GTPBP1: variants seen among roughly 807,000 people sequenced by gnomAD.
GTPBP1 encodes the protein GTP-binding protein 1.
GTPBP1 carries 23 observed loss-of-function variants against 62.0 expected under a neutral mutation model. That is an observed-to-expected ratio of 0.37 (90% CI 0.27 to 0.53). GTPBP1 has a LOEUF of 0.53. Among genes scored for constraint, GTPBP1 ranks in the 20% least tolerant of loss-of-function variants. GTPBP1 has a pLI of 0.89. For missense variants in GTPBP1, 640 were observed against 917.3 expected (o/e 0.70, Z 3.90); for synonymous variants, 344 against 364.4 (o/e 0.94, Z 0.64).
At chr22:38,740,864 G>T, downstream of GTPBP1, 1 of 906,488 alleles carries the variant, frequency 1.1e-6, no homozygotes, top group African/African-American at 1.6e-5. This position sits in a 1 kb window ranked among gnomAD's most constrained non-coding sequence, Gnocchi z 4.8. Flanking sequence ...GGGGTCCTGA[G>T]CTGGGTTTCA....
downstream of GTPBP1, chr22:38,739,806 C>G (rs757345858): frequency 6.2e-7 from 1 of 1,613,688 alleles, no homozygotes; most frequent in Non-Finnish European, 8.5e-7. This position sits in a 1 kb window ranked among gnomAD's most constrained non-coding sequence, Gnocchi z 6.7. Context: ...TGCCCTGCAT[C>G]TCTGCCACAT....
downstream of GTPBP1, among the ~76,000 whole-genome samples, chr22:38,741,243 G>GTA (rs112509404): frequency 0.048 from 7,305 of 152,200 alleles, 605 homozygotes; most frequent in African/African-American, 0.17. Flanking sequence ...ACACACTGAG[G>GTA]TATCTGTTCA....
chr22:38,738,614 G>A (rs779490476), downstream of GTPBP1: 8 of 1,613,728 alleles, frequency 5.0e-6, no homozygotes, highest in Admixed American at 1.3e-4. This position sits in a 1 kb window ranked among gnomAD's most constrained non-coding sequence, Gnocchi z 6.6. Flanking sequence ...TGGGGGCACT[G>A]GAGATAGTGC....
Position 38,730,902 on chromosome 22 carries a change from C to G in GTPBP1, c.*198C>G. ...CGAAGGTAGCCAGACTTCCGGAGGA[C>G]TGACCATCTCTCACTGTCCTCCCCA... On this transcript the variant is annotated 3_prime_UTR_variant, in exon 12 of 12. Transcript: ENST00000216044. The surrounding 1 kb of genome is among the most constrained non-coding windows in gnomAD (Gnocchi z 5.6). 1.8e-6 allele frequency: 1 copy of G among 555,174 alleles called. No individual in the cohort carries two copies. The highest frequency in any genetic ancestry group is 3.2e-5 in the East Asian group (1 of 31,326). The allele number at this position is 555,174 out of a possible 1,614,324, so 34.4% of individuals were successfully genotyped here. A position where few individuals can be genotyped will look rare whatever the true frequency, so the allele number is the denominator to read the frequency against.
At chr22:38,728,948 C>G (rs985304152) in intron 10 of GTPBP1, 1 of 153,038 alleles carries the variant, frequency 6.5e-6, no homozygotes, top group East Asian at 1.9e-4. Context: ...AGGAGACATT[C>G]ACTTGGTCTC....
Position 38,716,839 on chromosome 22 carries a change from G to A in GTPBP1, c.673G>A (p.Val225Met), listed in dbSNP as rs1206106460. ...ILGFDSEGNV[V>M]NKPDSHGGSL... is the part of the protein sequence containing the mutation. ...GGGCTTTGACAGTGAAGGCAATGTA[G>A]TGAACAAGCCTGACAGCCACGGCGG... The change falls in exon 4 of 12, where the codon GTG becomes ATG. Residue 225 changes from valine to methionine, a missense_variant. Around this residue, in one of 4 missense-constraint regions of GTPBP1, gnomAD observed 88 missense variants for 217.0 expected, o/e 0.41. Transcript: ENST00000216044. This position sits in a 1 kb window ranked among gnomAD's most constrained non-coding sequence, Gnocchi z 5.2. 1 of 1,614,180 alleles carries A rather than the reference G, an allele frequency of 6.2e-7. No individual in the cohort carries two copies. Among genetic ancestry groups the A allele is most frequent in the Non-Finnish European group, 8.5e-7 (1 of 1,180,008 alleles).
rs377717406 is a variant in GTPBP1 at position 38,721,841 on chromosome 22, A to C, written c.934A>C (p.Met312Leu). 1 of 1,607,060 alleles carries C rather than the reference A, an allele frequency of 6.2e-7. No individual in the cohort carries two copies. The highest frequency in any genetic ancestry group is 8.5e-7 in the Non-Finnish European group (1 of 1,174,778). The change falls in exon 5 of 12, where the codon ATG becomes CTG. Residue 312 changes from methionine to leucine, a missense_variant. Physicochemically the swap from Met to Leu is conservative, Grantham distance 15. This residue lies in a region of GTPBP1 where 88 missense variants were observed against 217.0 expected (regional missense o/e 0.41). Transcript: ENST00000216044. ...PVFVVVTKID[M>L]CPANILQETL... is the part of the protein sequence containing the mutation. The stretch of plus-strand genomic sequence containing the variant: ...CTTTGTGGTAGTCACCAAGATTGAC[A>C]TGTGTCCTGCCAACATCCTGCAAGG...
chr22:38,727,477 C>T lies in GTPBP1; in HGVS notation c.1537+129C>T. ...TAGGCCTCCTTCCTGTTTAGTGATGCCGTTCCTTCTGTTCTACCCATGAGC... is the reference window on the plus strand; with the variant it reads ...TAGGCCTCCTTCCTGTTTAGTGATGTCGTTCCTTCTGTTCTACCCATGAGC... On this transcript the variant is annotated intron_variant, in intron 9 of 11. Transcript: ENST00000216044. The surrounding 1 kb of genome is among the most constrained non-coding windows in gnomAD (Gnocchi z 6.5). 1.2e-6 allele frequency: 1 copy of T among 864,888 alleles called. No homozygotes were observed. Among genetic ancestry groups the T allele is most frequent in the Non-Finnish European group, 1.7e-6 (1 of 578,006 alleles). 53.6% of individuals were successfully genotyped at this position (864,888 alleles called of 1,614,324 possible).
At chr22:38,735,396 A>C, downstream of GTPBP1, 1 of 357,438 alleles carries the variant, frequency 2.8e-6, no homozygotes. Flanking sequence ...CATGCTCCCC[A>C]CTCTTCTTGC....
chr22:38,722,617 T>C, intron 5 of GTPBP1: 1 of 1,265,530 alleles, frequency 7.9e-7, no homozygotes, highest in South Asian at 1.5e-5. Flanking sequence ...TTTAGAGTAA[T>C]ATTTATGAGT....
chr22:38,707,519 C>T (rs980586491), intron 1 of GTPBP1, among the ~76,000 whole-genome samples: 1 of 152,120 alleles, frequency 6.6e-6, no homozygotes, highest in Non-Finnish European at 1.5e-5. Flanking sequence ...ATGGCCAGGA[C>T]GATGTAAAAG....
chr22:38,742,632 C>T, downstream of GTPBP1: 2 of 1,498,404 alleles, frequency 1.3e-6, no homozygotes, highest in South Asian at 2.5e-5. Context: ...CCCGACACAG[C>T]CAACACAGAA....
chr22:38,739,152 C>T (rs968055498), downstream of GTPBP1: 4 of 908,372 alleles, frequency 4.4e-6, no homozygotes, highest in Admixed American at 6.3e-5. The surrounding 1 kb of genome is among the most constrained non-coding windows in gnomAD (Gnocchi z 6.7). Flanking sequence ...CTCTCCCTGG[C>T]CCAGGATGGT....
chr22:38,725,842 G>A (rs1008601285), intron 6 of GTPBP1, 164 bp from the exon 7 acceptor site: 4 of 678,998 alleles, frequency 5.9e-6, no homozygotes, highest in Non-Finnish European at 1.0e-5. Context: ...TGCTAGGTCA[G>A]GGCAAAGAGG....
rs922219133 is a variant in GTPBP1 at position 38,726,955 on chromosome 22, G to A, written c.1402-258G>A. ...CTTGCCTGCCTTTGCTTCCTCATGC[G>A]TCCTTCATGGCCGAGCAGCTGAAGT... On this transcript the variant is annotated intron_variant, in intron 8 of 11. Coordinates refer to ENST00000216044, the MANE Select transcript of GTPBP1 (RefSeq NM_004286.5). The surrounding 1 kb of genome is among the most constrained non-coding windows in gnomAD (Gnocchi z 4.1). 1.3e-5 allele frequency among the ~76,000 whole-genome samples: 2 copies of A among 152,066 alleles called. No homozygotes were observed. Among genetic ancestry groups the A allele is most frequent in the African/African-American group, 4.8e-5 (2 of 41,406 alleles).
chr22:38,723,025 CAA>C, intron 5 of GTPBP1: 1 of 807,464 alleles, frequency 1.2e-6, no homozygotes, highest in Non-Finnish European at 2.2e-6. Flanking sequence ...TCAAATCTGA[CAA>C]GAGTGGGATG....
rs1279209336 is a variant in GTPBP1 at position 38,729,549 on chromosome 22, C to T, written c.1804C>T (p.Arg602Ter). The change falls in exon 11 of 12, where the codon CGA becomes TGA. Residue 602 changes from arginine (R) to a stop codon, truncating the protein, a stop_gained. Transcript: ENST00000216044. LOFTEE classifies it high-confidence loss of function. ...GACGAAAAAGGGCCCCCTGACGAAA[C>T]GAGACGAGGGGGGCCCGTCTGGTGG... The part of the protein sequence containing the change: ...QSTKKGPLTK[R>*]DEGGPSGGPA... 3 of 1,607,144 alleles carry T rather than the reference C, an allele frequency of 1.9e-6. No individual in the cohort carries two copies. Among genetic ancestry groups the T allele is most frequent in the Non-Finnish European group, 2.5e-6 (3 of 1,176,912 alleles).
At chr22:38,742,026 C>T (rs1569298053), downstream of GTPBP1, among the ~76,000 whole-genome samples, 1 of 152,020 alleles carries the variant, frequency 6.6e-6, no homozygotes, top group East Asian at 1.9e-4. Flanking sequence ...TGTAATCCAG[C>T]TACTCGGGAG....
intron 4 of GTPBP1, among the ~76,000 whole-genome samples, chr22:38,720,174 C>T (rs1257113036): frequency 5.3e-5 from 8 of 151,774 alleles, no homozygotes; most frequent in South Asian, 2.1e-4. Flanking sequence ...ATGATCTGCC[C>T]GCCTCGGCCT....
Sources: allele counts gnomAD v4.1 joint callset (sites outside exome capture counted in the v4.1 genomes callset), GRCh38; gene constraint gnomAD v4.1.1; regional missense constraint gnomAD v4.1.1; non-coding constraint Gnocchi (gnomAD v3.1); transcripts MANE v1.5; gene names NCBI Gene and HGNC (gene_info 2026-07-23, HGNC 2026-07-21).